NOTCH2NLB: variants seen among roughly 807,000 people sequenced by gnomAD.
The protein encoded by NOTCH2NLB is notch 2 N-terminal like B, also known as notch homolog 2 N-terminal-like protein B.
NOTCH2NLB carries 1 observed loss-of-function variant against 14.8 expected under a neutral mutation model. The observed-to-expected ratio is 0.07, with a 90% CI of 0.02 to 0.32. NOTCH2NLB has a LOEUF of 0.32. NOTCH2NLB is among the 10% of genes least tolerant of loss of function. The pLI, the probability that NOTCH2NLB is intolerant of heterozygous loss-of-function variation, is 1.00. For missense variants in NOTCH2NLB, 11 were observed against 155.0 expected, an observed-to-expected ratio of 0.07 and a Z score of 4.93; for synonymous variants, 6 against 57.5, an observed-to-expected ratio of 0.10 and a Z score of 4.05.
intron 2 of NOTCH2NLB, among the ~76,000 whole-genome samples, chr1:148,622,441 C>T (rs1473304634): frequency 6.2e-5 from 5 of 80,586 alleles, no homozygotes; most frequent in South Asian, 5.6e-4. Context: ...CTCTAGAGTG[C>T]GTGTGCTTCA....
Position 148,610,313 on chromosome 1 carries a change from GAGAAAGAGAGAGAAAGAA to G in NOTCH2NLB, c.338-2586_338-2569del, listed in dbSNP as rs1287912296. 1.0e-3 allele frequency among the ~76,000 whole-genome samples: 70 copies of G among 67,826 alleles called. 2 individuals are homozygous for G. The highest frequency in any genetic ancestry group is 4.7e-3 in the African/African-American group (70 of 14,936). The allele number at this position is 67,826 out of a possible 152,430, so 44.5% of individuals were successfully genotyped here. A position where few individuals can be genotyped will look rare whatever the true frequency, so the allele number is the denominator to read the frequency against. On this transcript the variant is annotated intron_variant, in intron 3 of 4. Transcript: ENST00000593495. ...AGAGAGAGGGAAAGAGAGAGAAAGA[GAGAAAGAGAGAGAAAGAA>G]AGAAAGAAAGAAAGAAAGAAAGAAA... is the stretch of plus-strand genomic sequence containing the variant.
At chr1:148,602,259 CA>C (rs1173403342), downstream of NOTCH2NLB, among the ~76,000 whole-genome samples, 30 of 21,230 alleles carry the variant, frequency 1.4e-3, no homozygotes, top group South Asian at 0.013. Context: ...TGCTCCGTCT[CA>C]AAAAAAAAAA....
the NOTCH2NLB span, among the ~76,000 whole-genome samples, chr1:148,707,960 C>CA: frequency 1.2e-5 from 1 of 80,692 alleles, no homozygotes; most frequent in Non-Finnish European, 2.5e-5. Flanking sequence ...TCCTATTCCC[C>CA]CCCCCCCACC....
rs1325402394 is a variant in NOTCH2NLB at position 148,651,162 on chromosome 1, A to ATATATATACATATATATAT, written c.4-11074_4-11073insATATATATATGTATATATA. On this transcript the variant is annotated intron_variant, in intron 1 of 4. Coordinates refer to ENST00000593495, the Ensembl canonical transcript of NOTCH2NLB. ...TGCCTGAGAAAAAAAAAAAAAAAAA[A>ATATATATACATATATATAT]ATATATATATATATATATATATATA... Among the ~76,000 whole-genome samples, 22 of 46,022 alleles carry ATATATATACATATATATAT rather than the reference A, an allele frequency of 4.8e-4. No individual in the cohort carries two copies. The East Asian group carries it at 0.013, about 27-fold the overall frequency. 30.2% of individuals were successfully genotyped at this position (46,022 alleles called of 152,430 possible).
chr1:148,638,874 C>T (rs1664277371), intron 2 of NOTCH2NLB, among the ~76,000 whole-genome samples: 2 of 144,814 alleles, frequency 1.4e-5, no homozygotes, highest in East Asian at 2.0e-4. Flanking sequence ...GTACCTCCAC[C>T]AAAGCAAAGA....
In NOTCH2NLB at chr1:148,645,447, C is replaced by A. The variant is rs1418455043; in HGVS notation, c.4-5358G>T. 4.9e-4 allele frequency among the ~76,000 whole-genome samples: 62 copies of A among 127,162 alleles called. 3 individuals carry two copies. Among genetic ancestry groups the A allele is most frequent in the Non-Finnish European group, 8.3e-4 (49 of 59,250 alleles). The allele number at this position is 127,162 out of a possible 152,430, so 83.4% of individuals were successfully genotyped here. ...CCTTCACACAGTACCAAGTTTGACA[C>A]TTTTTCTTCCAAGGACAAGCCATTT... On this transcript the variant is annotated intron_variant, in intron 1 of 4. Transcript: ENST00000593495.
intron 2 of NOTCH2NLB, among the ~76,000 whole-genome samples, chr1:148,626,241 GAGA>G (rs1312789485): frequency 1.8e-5 from 2 of 110,016 alleles, no homozygotes; most frequent in Admixed American, 8.5e-5. Context: ...GGGAAAAAAA[GAGA>G]AGAAGCTCTG....
the NOTCH2NLB span, among the ~76,000 whole-genome samples, chr1:148,600,925 TA>T: frequency 6.8e-6 from 1 of 147,232 alleles, no homozygotes; most frequent in African/African-American, 2.6e-5. Context: ...GATGGATAAA[TA>T]AAATGATAAA....
intron 2 of NOTCH2NLB, among the ~76,000 whole-genome samples, chr1:148,636,943 G>A (rs1664213953): frequency 6.9e-6 from 1 of 145,570 alleles, no homozygotes; most frequent in East Asian, 2.0e-4. Context: ...TTTCTCTCAA[G>A]GAGTTTGTTT....
At chr1:148,707,999 T>C in the NOTCH2NLB span, among the ~76,000 whole-genome samples, 2 of 75,314 alleles carry the variant, frequency 2.7e-5, no homozygotes, top group Non-Finnish European at 5.2e-5. Flanking sequence ...TTTTTTTCTA[T>C]TGATGTAATT....
intron 3 of NOTCH2NLB, among the ~76,000 whole-genome samples, chr1:148,610,000 T>TC (rs1256843077): frequency 6.3e-5 from 9 of 142,892 alleles, no homozygotes; most frequent in African/African-American, 1.9e-4. Context: ...AACAGAAAGA[T>TC]CCCCGGACCG....
At chr1:148,684,417 GC>G (rs1664953619), upstream of NOTCH2NLB, among the ~76,000 whole-genome samples, 9 of 144,784 alleles carry the variant, frequency 6.2e-5, 2 homozygotes, top group South Asian at 1.6e-3. Flanking sequence ...CCTTCATGCT[GC>G]CTTATGAAGA....
rs1288905854 is a variant in NOTCH2NLB, at chr1:148,661,363, C to T, written c.3+18099G>A. ...CTCCCAACACACACACACACACACA[C>T]GCACACACACACAGAGTTAAATCAG... On this transcript the variant is annotated intron_variant, in intron 1 of 4. Transcript: ENST00000593495. Among the ~76,000 whole-genome samples the T allele has an allele frequency of 1.0e-4, 15 of 149,908 alleles. 1 individual carries two copies. The highest frequency in any genetic ancestry group is 4.7e-4 in the Admixed American group (7 of 14,950).
chr1:148,662,486 TAAA>T (rs1664715917), intron 1 of NOTCH2NLB, among the ~76,000 whole-genome samples: 1 of 118,430 alleles, frequency 8.4e-6, no homozygotes, highest in Non-Finnish European at 1.7e-5. Context: ...ATCAGAAAAT[TAAA>T]AACGCCTGTA....
intron 1 of NOTCH2NLB, among the ~76,000 whole-genome samples, chr1:148,645,579 A>C (rs1478286212): frequency 2.0e-5 from 3 of 147,462 alleles, no homozygotes; most frequent in South Asian, 2.2e-4. Flanking sequence ...TGCCCAGTTT[A>C]TGCCCTCTTT....
chr1:148,645,688 T>TC lies in NOTCH2NLB; in HGVS notation c.4-5600dup, dbSNP rs1249111382. 3.3e-5 allele frequency among the ~76,000 whole-genome samples: 5 copies of TC among 149,346 alleles called. 1 individual carries two copies. The highest frequency in any genetic ancestry group is 7.5e-5 in the Non-Finnish European group (5 of 67,020). The stretch of plus-strand genomic sequence containing the variant: ...TCATTACTATCTAAATTCTACCCAT[T>TC]CCTTCAAGGCCCAGTTCACCTCTTG... On this transcript the variant is annotated intron_variant, in intron 1 of 4. Transcript: ENST00000593495.
At chr1:148,670,608 G>T in intron 1 of NOTCH2NLB, among the ~76,000 whole-genome samples, 1 of 106,688 alleles carries the variant, frequency 9.4e-6, no homozygotes. Flanking sequence ...TAAATCTAAG[G>T]GTAAAAAAAC....
chr1:148,679,735 C>G lies in NOTCH2NLB; in HGVS notation c.-271G>C, dbSNP rs1447459721. The G allele has an allele frequency of 1.3e-4, 130 of 973,170 alleles. 43 individuals are homozygous for G. Among genetic ancestry groups the G allele is most frequent in the Admixed American group, 3.3e-4 (6 of 18,290 alleles). 60.3% of individuals were successfully genotyped at this position (973,170 alleles called of 1,614,324 possible). A position where few individuals can be genotyped will look rare whatever the true frequency, so the allele number is the denominator to read the frequency against. On this transcript the variant is annotated 5_prime_UTR_variant, in exon 1 of 5. Coordinates refer to ENST00000593495, the Ensembl canonical transcript of NOTCH2NLB. ...CTCCTCGGCCGCCGCCTCAGCCGCC[C>G]GAAGTTTGGCTGAAACTTTCTCGGG... is the stretch of plus-strand genomic sequence containing the variant.
downstream of NOTCH2NLB, among the ~76,000 whole-genome samples, chr1:148,602,238 A>C (rs1663387514): frequency 9.0e-6 from 1 of 111,124 alleles, no homozygotes; most frequent in African/African-American, 4.1e-5. Flanking sequence ...CCAGCCTGGG[A>C]GAAAGAGCGA....
Sources: allele counts gnomAD v4.1 joint callset (sites outside exome capture counted in the v4.1 genomes callset), GRCh38; gene constraint gnomAD v4.1.1; transcripts MANE v1.5; gene names NCBI Gene and HGNC (gene_info 2026-07-23, HGNC 2026-07-21).